Variants in FAF1 observed in about 807,000 individuals in gnomAD.
FAF1 encodes FAS-associated factor 1.
Under a neutral mutation model 92.5 loss-of-function variants are expected in FAF1, and 25 were observed. The ratio of observed to expected loss-of-function variants is 0.27; its 90% CI spans 0.20 to 0.38. FAF1 has a LOEUF of 0.38. Among genes scored for constraint, FAF1 ranks in the 10% least tolerant of loss-of-function variants. FAF1 has a pLI of 1.00. For synonymous variants in FAF1, 234 were observed against 273.2 expected (o/e 0.86, Z 1.42); for missense variants, 636 against 793.3 (o/e 0.80, Z 2.38).
chr1:50,709,688 C>T (rs1484395259), intron 6 of FAF1, among the ~76,000 whole-genome samples: 1 of 152,132 alleles, frequency 6.6e-6, no homozygotes, highest in Non-Finnish European at 1.5e-5. Flanking sequence ...TCCTATCTCC[C>T]AAAAGGCTAG....
At chr1:50,677,201 C>G (rs961363660) in intron 7 of FAF1, among the ~76,000 whole-genome samples, 2 of 152,140 alleles carry the variant, frequency 1.3e-5, no homozygotes, top group Non-Finnish European at 2.9e-5. Flanking sequence ...TCATTCTCAC[C>G]TTTCAACTGG....
intron 6 of FAF1, among the ~76,000 whole-genome samples, chr1:50,709,586 G>A (rs942941742): frequency 6.6e-6 from 1 of 152,064 alleles, no homozygotes; most frequent in Admixed American, 6.6e-5. Flanking sequence ...GCTACAAAGA[G>A]GTGGAACTAA....
At chr1:50,693,870 CATA>C (rs931917135) in intron 7 of FAF1, among the ~76,000 whole-genome samples, 1 of 151,930 alleles carries the variant, frequency 6.6e-6, no homozygotes, top group Non-Finnish European at 1.5e-5. Flanking sequence ...TAAATTCCCA[CATA>C]ATGACCAAAT....
chr1:50,942,447 G>A (rs1309219268), intron 1 of FAF1, among the ~76,000 whole-genome samples: 1 of 152,060 alleles, frequency 6.6e-6, no homozygotes, highest in Non-Finnish European at 1.5e-5. Context: ...TGTATTTTAA[G>A]GAAGGGGAGG....
intron 2 of FAF1, among the ~76,000 whole-genome samples, chr1:50,824,997 A>C (rs1435057440): frequency 6.6e-6 from 1 of 152,088 alleles, no homozygotes; most frequent in Non-Finnish European, 1.5e-5. Context: ...ATTAGTATAA[A>C]AATACAGTTA....
intron 2 of FAF1, among the ~76,000 whole-genome samples, chr1:50,855,027 T>C (rs566862203): frequency 6.6e-6 from 1 of 151,910 alleles, no homozygotes; most frequent in East Asian, 1.9e-4. Context: ...AAATCCTCGA[T>C]TGAACATTTT....
chr1:50,725,524 T>C (rs1193732562), intron 6 of FAF1, among the ~76,000 whole-genome samples: 1 of 152,170 alleles, frequency 6.6e-6, no homozygotes, highest in African/African-American at 2.4e-5. Context: ...GGCATGATCT[T>C]GACTCACTGC....
intron 15 of FAF1, among the ~76,000 whole-genome samples, chr1:50,528,250 C>T (rs1413599169): frequency 6.6e-6 from 1 of 152,082 alleles, no homozygotes; most frequent in African/African-American, 2.4e-5. Context: ...GGGTTTGCAT[C>T]CATTTTTACC....
chr1:50,478,865 A>G (rs1051535634), intron 17 of FAF1, among the ~76,000 whole-genome samples: 2 of 152,190 alleles, frequency 1.3e-5, no homozygotes, highest in African/African-American at 4.8e-5. Flanking sequence ...TAATTGTTTT[A>G]AAGTTTTTAT....
At chr1:50,720,228 C>T (rs940425174) in intron 6 of FAF1, among the ~76,000 whole-genome samples, 6 of 152,142 alleles carry the variant, frequency 3.9e-5, no homozygotes, top group Admixed American at 2.0e-4. Context: ...TCTCAAACTC[C>T]TGACAGGTGA....
At chr1:50,866,704 T>C (rs1644484528) in intron 1 of FAF1, among the ~76,000 whole-genome samples, 1 of 151,668 alleles carries the variant, frequency 6.6e-6, no homozygotes, top group Non-Finnish European at 1.5e-5. Context: ...ATGACACAAA[T>C]GGACACATCC....
At chr1:50,800,458 T>TA in intron 3 of FAF1, among the ~76,000 whole-genome samples, 1 of 152,306 alleles carries the variant, frequency 6.6e-6, no homozygotes, top group Admixed American at 6.5e-5. Flanking sequence ...AGGGCTTCGA[T>TA]AGAATTGAAT....
chr1:50,787,659 T>G (rs936773324), intron 4 of FAF1, among the ~76,000 whole-genome samples: 47 of 152,178 alleles, frequency 3.1e-4, no homozygotes, highest in African/African-American at 1.1e-3. Flanking sequence ...TCAAGATATA[T>G]CCTATGAAAA....
At chr1:50,531,070 C>T (rs547599203) in intron 15 of FAF1, among the ~76,000 whole-genome samples, 2 of 152,304 alleles carry the variant, frequency 1.3e-5, no homozygotes, top group African/African-American at 4.8e-5. Context: ...TGTGGCAATG[C>T]TGTTTTTAAA....
chr1:50,855,254 T>G (rs1041433235), intron 2 of FAF1, among the ~76,000 whole-genome samples: 11 of 151,836 alleles, frequency 7.2e-5, no homozygotes, highest in African/African-American at 2.4e-4. Flanking sequence ...GTTATATTTT[T>G]TAAGCCCCCA....
intron 18 of FAF1, among the ~76,000 whole-genome samples, chr1:50,450,621 T>C (rs1646283533): frequency 2.0e-5 from 3 of 152,208 alleles, no homozygotes; most frequent in African/African-American, 7.2e-5. Context: ...ACTGTCAACT[T>C]AGTCCTAACA....
intron 5 of FAF1, among the ~76,000 whole-genome samples, chr1:50,743,619 C>T (rs868095286): frequency 5.9e-5 from 9 of 152,204 alleles, no homozygotes; most frequent in Middle Eastern, 3.4e-3. Context: ...TGAGCCACTG[C>T]GCCCAGCCAA....
At chr1:50,941,312 C>T (rs893400582) in intron 1 of FAF1, among the ~76,000 whole-genome samples, 3 of 152,062 alleles carry the variant, frequency 2.0e-5, no homozygotes, top group Admixed American at 6.6e-5. Context: ...TGGGTTCAAG[C>T]GATTCTCGTG....
chr1:50,955,227 T>C (rs536585072), intron 1 of FAF1, among the ~76,000 whole-genome samples: 25 of 152,330 alleles, frequency 1.6e-4, no homozygotes, highest in African/African-American at 6.0e-4. Context: ...AGTTATTCTA[T>C]AGTTACAAAA....
Sources: allele counts gnomAD v4.1 joint callset (sites outside exome capture counted in the v4.1 genomes callset), GRCh38; gene constraint gnomAD v4.1.1; transcripts MANE v1.5; gene names NCBI Gene and HGNC (gene_info 2026-07-23, HGNC 2026-07-21).